The following ST18 variants were observed in gnomAD, a reference collection of about 807,000 sequenced individuals.
ST18 encodes ST18 C2H2C-type zinc finger transcription factor, also known as suppression of tumorigenicity 18 protein.
A neutral mutation model predicts 110.0 loss-of-function variants in ST18; 50 were observed. The ratio of observed to expected loss-of-function variants is 0.45; its 90% CI spans 0.36 to 0.58. The LOEUF (loss-of-function observed/expected upper bound fraction) is 0.58. Among genes scored for constraint, ST18 ranks in the 20% least tolerant of loss-of-function variants. The pLI, the probability that ST18 is intolerant of heterozygous loss-of-function variation, is 0.00. For synonymous variants in ST18, 461 were observed against 452.4 expected, an observed-to-expected ratio of 1.02 and a Z score of -0.24; for missense variants, 1,306 against 1,280.1, an observed-to-expected ratio of 1.02 and a Z score of -0.31.
intron 2 of ST18, among the ~76,000 whole-genome samples, chr8:52,396,185 T>A (rs557909664): frequency 5.9e-5 from 9 of 152,188 alleles, no homozygotes; most frequent in Non-Finnish European, 1.2e-4. Flanking sequence ...CAAAAATCCC[T>A]ATTACAATTT....
chr8:52,125,427 G>C (rs767627989), intron 23 of ST18, among the ~76,000 whole-genome samples: 2 of 151,818 alleles, frequency 1.3e-5, no homozygotes, highest in Non-Finnish European at 2.9e-5. Flanking sequence ...GAGAGAGAAA[G>C]AGAACACACA....
chr8:52,383,914 G>C (rs1835552825), intron 2 of ST18, among the ~76,000 whole-genome samples: 1 of 151,964 alleles, frequency 6.6e-6, no homozygotes, highest in South Asian at 2.1e-4. Context: ...CACCCAGCTA[G>C]TTTTTGTTTT....
At chr8:52,168,704 C>T (rs1053939334) in intron 10 of ST18, among the ~76,000 whole-genome samples, 1 of 151,984 alleles carries the variant, frequency 6.6e-6, no homozygotes, top group Non-Finnish European at 1.5e-5. Flanking sequence ...TAAATGTGCC[C>T]GTGTCGATAC....
chr8:52,344,206 T>A (rs1257330314), intron 2 of ST18, among the ~76,000 whole-genome samples: 1 of 151,916 alleles, frequency 6.6e-6, no homozygotes, highest in East Asian at 1.9e-4. Flanking sequence ...GCATTCTAAG[T>A]AGTTCAGCCA....
intron 2 of ST18, among the ~76,000 whole-genome samples, chr8:52,310,873 T>A: frequency 7.4e-6 from 1 of 135,848 alleles, no homozygotes; most frequent in East Asian, 2.6e-4. Flanking sequence ...AGGCCCCAAC[T>A]GCTCTGCGGA....
At chr8:52,287,156 G>C (rs1278376099) in intron 2 of ST18, among the ~76,000 whole-genome samples, 1 of 152,068 alleles carries the variant, frequency 6.6e-6, no homozygotes, top group Non-Finnish European at 1.5e-5. Context: ...TTAACAGCAG[G>C]ATGGATATAT....
At chr8:52,130,916 T>G in intron 22 of ST18, among the ~76,000 whole-genome samples, 1 of 152,248 alleles carries the variant, frequency 6.6e-6, no homozygotes, top group East Asian at 1.9e-4. Flanking sequence ...ATACTTGATT[T>G]GTGACTGAAG....
chr8:52,217,653 C>T (rs2304365), intron 6 of ST18, 93 bp downstream of exon 6: 36,342 of 151,996 alleles, frequency 0.24, 5,040 homozygotes, highest in African/African-American at 0.37. Context: ...TAAGCAGATA[C>T]ACAATGAGGA....
chr8:52,110,897 T>G lies in ST18; in HGVS notation c.*2301A>C. ...ATGTACAGCACTGAACACAATTTTGTTGCTTTGATGTAAGAAATATTAAGT... is the reference window on the plus strand; with the variant it reads ...ATGTACAGCACTGAACACAATTTTGGTGCTTTGATGTAAGAAATATTAAGT... On this transcript the variant is annotated 3_prime_UTR_variant, in exon 26 of 26. Coordinates refer to ENST00000689386, the MANE Select transcript of ST18 (RefSeq NM_001352837.2). The G allele has an allele frequency of 2.5e-6, 1 of 392,402 alleles. No individual in the cohort carries two copies. Among genetic ancestry groups the G allele is most frequent in the Non-Finnish European group, 4.5e-6 (1 of 222,012 alleles). The allele number at this position is 392,402 out of a possible 1,614,324, so 24.3% of individuals were successfully genotyped here.
intron 22 of ST18, among the ~76,000 whole-genome samples, chr8:52,127,967 A>G (rs1432121931): frequency 7.0e-6 from 1 of 142,758 alleles, no homozygotes; most frequent in Non-Finnish European, 1.5e-5. Context: ...ATTATGACAT[A>G]TTAAGGGATT....
chr8:52,158,129 G>C (rs890452640), intron 15 of ST18, among the ~76,000 whole-genome samples: 2 of 152,194 alleles, frequency 1.3e-5, no homozygotes, highest in African/African-American at 4.8e-5. Context: ...TGTGACTGTG[G>C]CATCAGAAGC....
At chr8:52,203,187 G>A (rs538689819) in intron 8 of ST18, among the ~76,000 whole-genome samples, 14 of 152,254 alleles carry the variant, frequency 9.2e-5, no homozygotes, top group African/African-American at 2.9e-4. Flanking sequence ...TGACATGGAG[G>A]GGGTAGGGGG....
At chr8:52,147,683 T>C (rs977134158) in intron 16 of ST18, among the ~76,000 whole-genome samples, 2 of 151,972 alleles carry the variant, frequency 1.3e-5, no homozygotes, top group Admixed American at 6.6e-5. Flanking sequence ...GAAGCAGTTA[T>C]ACTTAATTCA....
At chr8:52,285,619 C>G (rs538066886) in intron 2 of ST18, among the ~76,000 whole-genome samples, 8 of 152,272 alleles carry the variant, frequency 5.3e-5, no homozygotes, top group African/African-American at 1.9e-4. Flanking sequence ...AATCTGAGAG[C>G]CTGGGGATCA....
At chr8:52,193,093 G>A (rs1261448962) in intron 8 of ST18, among the ~76,000 whole-genome samples, 1 of 152,190 alleles carries the variant, frequency 6.6e-6, no homozygotes, top group Admixed American at 6.5e-5. Flanking sequence ...GAAGGTCATG[G>A]TGACCAAGGG....
intron 8 of ST18, 78 bp downstream of exon 8, chr8:52,212,001 G>C: frequency 4.7e-6 from 7 of 1,483,906 alleles, no homozygotes; most frequent in Non-Finnish European, 6.5e-6. Context: ...AAAGTATTCT[G>C]AGGCTTGAAA....
chr8:52,202,657 G>A (rs925938545), intron 8 of ST18, among the ~76,000 whole-genome samples: 1 of 152,218 alleles, frequency 6.6e-6, no homozygotes, highest in Non-Finnish European at 1.5e-5. Flanking sequence ...GGAGGAGGTG[G>A]TATCAGTCCT....
intron 2 of ST18, among the ~76,000 whole-genome samples, chr8:52,399,999 A>AG (rs1842386802): frequency 6.6e-6 from 1 of 152,056 alleles, no homozygotes; most frequent in Non-Finnish European, 1.5e-5. Flanking sequence ...CATTGATGAA[A>AG]GGGGGGTGTT....
At chr8:52,364,725 T>C (rs540561117) in intron 2 of ST18, among the ~76,000 whole-genome samples, 2 of 152,274 alleles carry the variant, frequency 1.3e-5, no homozygotes, top group Non-Finnish European at 2.9e-5. Context: ...GTGATGAGGG[T>C]GACCGTTGGA....
Sources: gnomAD v4.1 joint callset for allele counts (sites outside exome capture counted in the v4.1 genomes callset) on GRCh38, gnomAD v4.1.1 for gene constraint, MANE v1.5 for transcripts, NCBI Gene and HGNC (gene_info 2026-07-23, HGNC 2026-07-21) for gene names.